The following ROBO2 variants were observed in gnomAD, a reference collection of about 807,000 sequenced individuals.
ROBO2 encodes the protein roundabout homolog 2.
In ROBO2, 53 loss-of-function variants were observed where a neutral mutation model predicts 160.8. The ratio of observed to expected loss-of-function variants is 0.33; its 90% confidence interval spans 0.26 to 0.41. ROBO2 has a LOEUF of 0.41. Among genes scored for constraint, ROBO2 ranks in the 10% least tolerant of loss-of-function variants. The probability of loss-of-function intolerance (pLI) is 1.00; values close to 1 mark genes in which losing one functional copy is unlikely to be tolerated. For missense variants in ROBO2, 1,577 were observed against 1,722.4 expected (o/e 0.92, Z 1.49); for synonymous variants, 664 against 611.7 (o/e 1.09, Z -1.26).
chr3:76,983,822 A>G (rs113673307), intron 2 of ROBO2, among the ~76,000 whole-genome samples: 1,897 of 152,318 alleles, frequency 0.012, 43 homozygotes, highest in African/African-American at 0.041. Flanking sequence ...CAAATCAGCT[A>G]AATAACTGGT....
intron 2 of ROBO2, among the ~76,000 whole-genome samples, chr3:76,511,856 G>T (rs1003781532): frequency 6.6e-6 from 1 of 152,158 alleles, no homozygotes; most frequent in Admixed American, 6.5e-5. Flanking sequence ...GAAGAAGTGG[G>T]TATCACAGGA....
At chr3:76,588,236 G>C (rs1211447328) in intron 2 of ROBO2, among the ~76,000 whole-genome samples, 2 of 152,286 alleles carry the variant, frequency 1.3e-5, no homozygotes, top group East Asian at 3.9e-4. Context: ...GTATGTGACT[G>C]TGTCATGTAT....
intron 2 of ROBO2, among the ~76,000 whole-genome samples, chr3:76,743,454 C>CT (rs200570973): frequency 8.6e-5 from 13 of 152,026 alleles, no homozygotes; most frequent in African/African-American, 2.2e-4. Context: ...CTGAATCTGA[C>CT]TTTTTTTTAA....
Position 76,461,984 on chromosome 3 carries a change from A to T in ROBO2, c.109+524382A>T, listed in dbSNP as rs540042271. 8.5e-5 allele frequency among the ~76,000 whole-genome samples: 13 copies of T among 152,248 alleles called. No individual in the cohort carries two copies. The East Asian group carries it at 2.5e-3, about 29-fold the overall frequency. ...GTCCCTTCAGCTTTTTCAGTTCTTT[A>T]TCTAATCCTCTTTCCTCCTCCATCC... On this transcript the variant is annotated intron_variant, in intron 2 of 26. Transcript: ENST00000487694.
At chr3:77,060,029 G>A (rs2149758476) in intron 1 of ROBO2, among the ~76,000 whole-genome samples, 1 of 152,244 alleles carries the variant, frequency 6.6e-6, no homozygotes, top group Admixed American at 6.5e-5. Context: ...AAACCAACTA[G>A]TATTTCTATG....
intron 2 of ROBO2, among the ~76,000 whole-genome samples, chr3:76,448,279 G>A (rs1190849561): frequency 1.3e-5 from 2 of 152,058 alleles, no homozygotes; most frequent in Admixed American, 6.6e-5. Context: ...TAATGAGTTT[G>A]TCTTGAGAGA....
intron 2 of ROBO2, among the ~76,000 whole-genome samples, chr3:76,441,049 A>T (rs974483243): frequency 6.6e-6 from 1 of 152,152 alleles, no homozygotes; most frequent in Non-Finnish European, 1.5e-5. Flanking sequence ...AATGGGCTTG[A>T]TAAATATTAG....
chr3:77,593,605 C>A (rs1441128529), intron 17 of ROBO2, among the ~76,000 whole-genome samples: 1 of 152,168 alleles, frequency 6.6e-6, no homozygotes, highest in African/African-American at 2.4e-5. Flanking sequence ...ATATGCTTTA[C>A]TGTCTCATGA....
At chr3:76,416,193 A>T (rs1166139158) in intron 2 of ROBO2, among the ~76,000 whole-genome samples, 1 of 152,138 alleles carries the variant, frequency 6.6e-6, no homozygotes, top group African/African-American at 2.4e-5. Context: ...TAAAATAAAA[A>T]TTATTTAAAG....
intron 2 of ROBO2, among the ~76,000 whole-genome samples, chr3:76,987,031 TA>T (rs2060416448): frequency 6.6e-6 from 1 of 152,140 alleles, no homozygotes; most frequent in East Asian, 1.9e-4. Flanking sequence ...CATATTAGAT[TA>T]GAGCTCAGCT....
chr3:76,340,692 G>A (rs879760549), intron 2 of ROBO2, among the ~76,000 whole-genome samples: 2 of 151,990 alleles, frequency 1.3e-5, no homozygotes, highest in Non-Finnish European at 2.9e-5. Context: ...GGGAGAGCCC[G>A]GCAAGTTGTC....
intron 2 of ROBO2, among the ~76,000 whole-genome samples, chr3:76,408,590 C>T (rs1200014438): frequency 2.0e-5 from 3 of 151,966 alleles, no homozygotes; most frequent in East Asian, 1.9e-4. Context: ...TCTGGAAAAA[C>T]GTGTTCTTGC....
chr3:76,913,473 A>G (rs1426034079), intron 2 of ROBO2, among the ~76,000 whole-genome samples: 1 of 152,180 alleles, frequency 6.6e-6, no homozygotes, highest in Non-Finnish European at 1.5e-5. Flanking sequence ...TTTTGTGAGA[A>G]TATTTATTTA....
intron 5 of ROBO2, among the ~76,000 whole-genome samples, chr3:77,507,020 A>C (rs1007502478): frequency 6.6e-6 from 1 of 152,170 alleles, no homozygotes; most frequent in African/African-American, 2.4e-5. Context: ...TATATAAGGC[A>C]GATAATTTTT....
intron 2 of ROBO2, among the ~76,000 whole-genome samples, chr3:76,750,525 C>A (rs2093966447): frequency 6.6e-6 from 1 of 152,114 alleles, no homozygotes; most frequent in Non-Finnish European, 1.5e-5. Context: ...TTGCAGATGA[C>A]ATGATTGTAT....
rs138022463 is a variant in ROBO2, at chr3:76,492,344, C to T, written c.109+554742C>T. Among the ~76,000 whole-genome samples, 141 of 152,138 alleles carry T rather than the reference C, an allele frequency of 9.3e-4. 2 individuals carry two copies. Among genetic ancestry groups the T allele is most frequent in the Non-Finnish European group, 1.5e-3 (99 of 67,994 alleles). The stretch of plus-strand genomic sequence containing the variant: ...CAATCTGCCTGGTATATTAAAGATA[C>T]GAGACATGACCTGTTTATGTGTTCG... On this transcript the variant is annotated intron_variant, in intron 2 of 26. Coordinates refer to the ROBO2 transcript ENST00000487694.
intron 2 of ROBO2, among the ~76,000 whole-genome samples, chr3:76,157,947 A>C (rs1030553089): frequency 3.9e-5 from 6 of 152,188 alleles, no homozygotes; most frequent in African/African-American, 1.2e-4. Context: ...CAGATAGGAA[A>C]TTCATTCTCT....
intron 2 of ROBO2, among the ~76,000 whole-genome samples, chr3:76,534,207 T>G (rs1306653599): frequency 6.6e-6 from 1 of 152,078 alleles, no homozygotes; most frequent in East Asian, 1.9e-4. Flanking sequence ...TTAAAATGAG[T>G]TAATTTAGTA....
chr3:76,238,800 C>T lies in ROBO2; in HGVS notation c.109+301198C>T, dbSNP rs143617710. Among the ~76,000 whole-genome samples, 1,386 of 152,082 alleles carry T rather than the reference C, an allele frequency of 9.1e-3. 15 individuals are homozygous for T. The highest frequency in any genetic ancestry group is 0.029 in the African/African-American group (1,194 of 41,478). ...CTCCCCACAGGTCTCCCCCTAGACACGAGGGGATTATGGGGATTATAGTTC... is the reference window on the plus strand; with the variant it reads ...CTCCCCACAGGTCTCCCCCTAGACATGAGGGGATTATGGGGATTATAGTTC... On this transcript the variant is annotated intron_variant, in intron 2 of 26. Transcript: ENST00000487694.
Sources: gnomAD v4.1 joint callset for allele counts (sites outside exome capture counted in the v4.1 genomes callset) on GRCh38, gnomAD v4.1.1 for gene constraint, MANE v1.5 for transcripts, NCBI Gene and HGNC (gene_info 2026-07-23, HGNC 2026-07-21) for gene names.